The following CUX2 variants were observed in gnomAD, a reference collection of about 807,000 sequenced individuals.
The protein encoded by CUX2 is cut like homeobox 2, also known as homeobox protein cut-like 2.
CUX2 carries 40 observed loss-of-function variants against 144.8 expected under a neutral mutation model. The ratio of observed to expected loss-of-function variants is 0.28; its 90% CI spans 0.21 to 0.36. The LOEUF (loss-of-function observed/expected upper bound fraction) is 0.36, where lower values mean the gene tolerates loss of function less well. Among genes scored for constraint, CUX2 ranks in the 10% least tolerant of loss-of-function variants. CUX2 has a pLI of 1.00. For synonymous variants in CUX2, 827 were observed against 875.6 expected, an observed-to-expected ratio of 0.94 and a Z score of 0.98; for missense variants, 1,615 against 1,994.0, an observed-to-expected ratio of 0.81 and a Z score of 3.62.
intron 1 of CUX2, among the ~76,000 whole-genome samples, chr12:111,174,192 G>C (rs1228931286): frequency 6.6e-6 from 1 of 152,206 alleles, no homozygotes; most frequent in Non-Finnish European, 1.5e-5. Context: ...GAAATGCCCT[G>C]TCTGGCTGCC....
chr12:111,055,598 G>A (rs918141687), intron 1 of CUX2, among the ~76,000 whole-genome samples: 1 of 152,268 alleles, frequency 6.6e-6, no homozygotes, highest in Non-Finnish European at 1.5e-5. Flanking sequence ...TGGAGGGGGC[G>A]AGGAGAGAAA....
chr12:111,319,863 G>GA, intron 16 of CUX2, 149 bp from the exon 17 acceptor site: 1 of 1,233,590 alleles, frequency 8.1e-7, no homozygotes, highest in Non-Finnish European at 1.1e-6. Context: ...CACAGGGAGG[G>GA]ATCATAATTT....
In CUX2 at chr12:111,310,840, T is replaced by C. The variant is rs1362669633; in HGVS notation, c.1900+158T>C. 6.6e-6 allele frequency among the ~76,000 whole-genome samples: 1 copy of C among 152,210 alleles called. No homozygotes were observed. The highest frequency in any genetic ancestry group is 1.9e-4 in the East Asian group (1 of 5,204). On this transcript the variant is annotated intron_variant, in intron 15 of 21. Transcript: ENST00000261726. This position sits in a 1 kb window ranked among gnomAD's most constrained non-coding sequence, Gnocchi z 7.9. ...GTGGCTTTGCCTGTCTGTGCCTCAG[T>C]TTCCCCTCTGTAAAAGCAGGAAATA... is the stretch of plus-strand genomic sequence containing the variant.
chr12:111,172,047 A>G (rs2136168194), intron 1 of CUX2, among the ~76,000 whole-genome samples: 1 of 151,370 alleles, frequency 6.6e-6, no homozygotes, highest in South Asian at 2.1e-4. Context: ...GCCTGCGTAT[A>G]CATGTGCATG....
At chr12:111,127,932 C>G (rs1875195938) in intron 1 of CUX2, among the ~76,000 whole-genome samples, 1 of 152,140 alleles carries the variant, frequency 6.6e-6, no homozygotes, top group Non-Finnish European at 1.5e-5. Flanking sequence ...GGAAACTGCC[C>G]TCATGATTCA....
At chr12:111,106,243 C>T (rs1353194528) in intron 1 of CUX2, among the ~76,000 whole-genome samples, 4 of 152,022 alleles carry the variant, frequency 2.6e-5, no homozygotes, top group Admixed American at 1.3e-4. Context: ...CCATCCACCT[C>T]GGCCTCACAG....
At chr12:111,236,002 G>A (rs763972157) in intron 3 of CUX2, among the ~76,000 whole-genome samples, 15 of 152,248 alleles carry the variant, frequency 9.9e-5, no homozygotes, top group South Asian at 4.2e-4. Flanking sequence ...GACCTGGCAC[G>A]GCCCCAGGTC....
At chr12:111,341,011 GGCAAAACTGCTGGCGA>G (rs1198025273) in intron 20 of CUX2, among the ~76,000 whole-genome samples, 26 of 152,284 alleles carry the variant, frequency 1.7e-4, no homozygotes, top group African/African-American at 6.3e-4. Context: ...GTACTCTCGT[GGCAAAACTGCTGGCGA>G]GCGTACCCTT....
intron 20 of CUX2, among the ~76,000 whole-genome samples, chr12:111,341,131 ACT>A (rs372023217): frequency 6.6e-5 from 10 of 152,196 alleles, no homozygotes; most frequent in African/African-American, 2.4e-4. Context: ...CATTTCAAAC[ACT>A]CTACAAAACG....
At chr12:111,328,938 C>CCTCTCTCTCCCT (rs1460303520) in intron 18 of CUX2, among the ~76,000 whole-genome samples, 1 of 56,510 alleles carries the variant, frequency 1.8e-5, no homozygotes, top group African/African-American at 1.2e-4. Flanking sequence ...TTTTGATTCA[C>CCTCTCTCTCCCT]CTATCTCTCT....
chr12:111,325,462 G>C (rs2136412142), intron 18 of CUX2, among the ~76,000 whole-genome samples: 1 of 152,290 alleles, frequency 6.6e-6, no homozygotes, highest in Middle Eastern at 3.4e-3. Flanking sequence ...GGGCATGGTA[G>C]TGCAGTGACT....
At chr12:111,062,347 A>G (rs1870817854) in intron 1 of CUX2, among the ~76,000 whole-genome samples, 1 of 152,208 alleles carries the variant, frequency 6.6e-6, no homozygotes, top group South Asian at 2.1e-4. Context: ...TTGTGATTAA[A>G]TATTTATCCG....
chr12:111,120,031 C>T (rs948170858), intron 1 of CUX2, among the ~76,000 whole-genome samples: 12 of 152,114 alleles, frequency 7.9e-5, no homozygotes, highest in African/African-American at 2.9e-4. Flanking sequence ...GCACTCCAGC[C>T]TGGGCGACAG....
At chr12:111,337,767 G>A (rs1592984689) in intron 19 of CUX2, among the ~76,000 whole-genome samples, 1 of 152,344 alleles carries the variant, frequency 6.6e-6, no homozygotes, top group Admixed American at 6.5e-5. Context: ...CAGGCCCAGT[G>A]GCTCACGCCT....
chr12:111,310,792 C>A lies in CUX2; in HGVS notation c.1900+110C>A. ...GGTTCAAAGCCCAGCTCTACCACCA[C>A]CTGGCTGTGTGACCCAGGGCCAGTG... is the stretch of plus-strand genomic sequence containing the variant. On this transcript the variant is annotated intron_variant, in intron 15 of 21. Transcript: ENST00000261726. This position sits in a 1 kb window ranked among gnomAD's most constrained non-coding sequence, Gnocchi z 7.9. 7.8e-7 allele frequency: 1 copy of A among 1,289,838 alleles called. No homozygotes were observed. Among genetic ancestry groups the A allele is most frequent in the Non-Finnish European group, 1.0e-6 (1 of 962,208 alleles). The allele number at this position is 1,289,838 out of a possible 1,614,324, so 79.9% of individuals were successfully genotyped here.
rs1172516509 is a variant in CUX2 at position 111,304,246 on chromosome 12, C to T, written c.790C>T (p.Arg264Trp). 5 of 1,613,868 alleles carry T rather than the reference C, an allele frequency of 3.1e-6. No homozygotes were observed. The highest frequency in any genetic ancestry group is 1.7e-5 in the Admixed American group (1 of 59,996). Residue 264 changes from arginine to tryptophan, a missense_variant, in exon 10 of 22, where the codon CGG becomes TGG. Transcript: ENST00000261726. This position sits in a 1 kb window ranked among gnomAD's most constrained non-coding sequence, Gnocchi z 4.7. ...EAAQREVESL[R>W]EQLASVNSSI... ...TGCCCAGCGGGAGGTGGAAAGTCTC[C>T]GGGAACAGCTGGCCTCTGTCAACAG...
chr12:111,207,846 G>A (rs1426000972), intron 1 of CUX2, among the ~76,000 whole-genome samples: 3 of 152,146 alleles, frequency 2.0e-5, no homozygotes, highest in African/African-American at 4.8e-5. Flanking sequence ...TAACTTGGAG[G>A]GGTGTCTGGG....
chr12:111,317,144 G>A (rs139308797), intron 16 of CUX2, among the ~76,000 whole-genome samples: 1 of 152,240 alleles, frequency 6.6e-6, no homozygotes, highest in Non-Finnish European at 1.5e-5. Context: ...TTTTTAATGG[G>A]TCTAAGAGGA....
Position 111,059,757 on chromosome 12 carries a change from G to A in CUX2, c.63+25517G>A, listed in dbSNP as rs1430194275. Reference sequence around the variant, plus strand: ...GGGTGCTACCAAGGAGAAGGTGGTCGTGGGGGGTCCTCAGTCCTGGCTGGG... The same window carrying A: ...GGGTGCTACCAAGGAGAAGGTGGTCATGGGGGGTCCTCAGTCCTGGCTGGG... On this transcript the variant is annotated intron_variant, in intron 1 of 21. Coordinates refer to ENST00000261726, the MANE Select transcript of CUX2 (RefSeq NM_015267.4). This position sits in a 1 kb window ranked among gnomAD's most constrained non-coding sequence, Gnocchi z 5.3. 2.0e-5 allele frequency among the ~76,000 whole-genome samples: 3 copies of A among 152,016 alleles called. No homozygotes were observed. The highest frequency in any genetic ancestry group is 2.1e-4 in the South Asian group (1 of 4,814).
Sources: gnomAD v4.1 joint callset for allele counts (sites outside exome capture counted in the v4.1 genomes callset) on GRCh38, gnomAD v4.1.1 for gene constraint, Gnocchi (gnomAD v3.1) non-coding constraint, MANE v1.5 for transcripts, NCBI Gene and HGNC (gene_info 2026-07-23, HGNC 2026-07-21) for gene names.